CCSER1: variants seen among roughly 807,000 people sequenced by gnomAD.
CCSER1 encodes the protein coiled-coil serine rich protein 1.
CCSER1 carries 41 observed loss-of-function variants against 82.0 expected under a neutral mutation model. The ratio of observed to expected loss-of-function variants is 0.50; its 90% CI spans 0.39 to 0.65. The LOEUF (loss-of-function observed/expected upper bound fraction) is 0.65. Among genes scored for constraint, CCSER1 ranks in the 30% least tolerant of loss-of-function variants. The pLI is 0.00. For synonymous variants in CCSER1, 414 were observed against 383.9 expected, an observed-to-expected ratio of 1.08 and a Z score of -0.92; for missense variants, 1,119 against 1,064.2, an observed-to-expected ratio of 1.05 and a Z score of -0.72.
intron 4 of CCSER1, among the ~76,000 whole-genome samples, chr4:90,426,169 G>A (rs576680057): frequency 3.3e-5 from 5 of 152,246 alleles, no homozygotes; most frequent in Non-Finnish European, 7.4e-5. Flanking sequence ...GATGAATGAC[G>A]AATGCAGCAC....
intron 1 of CCSER1, among the ~76,000 whole-genome samples, chr4:90,228,092 C>T (rs958464003): frequency 9.8e-5 from 15 of 152,322 alleles, no homozygotes; most frequent in African/African-American, 2.2e-4. Flanking sequence ...ACAGAGCAGC[C>T]GGGAAGCTCC....
At chr4:91,437,296 T>A (rs573187797) in intron 10 of CCSER1, among the ~76,000 whole-genome samples, 1 of 152,248 alleles carries the variant, frequency 6.6e-6, no homozygotes, top group Non-Finnish European at 1.5e-5. Context: ...GAAGGCAGTT[T>A]ATTTGACCAT....
At chr4:90,472,382 CTTTT>C (rs1015106241) in intron 5 of CCSER1, among the ~76,000 whole-genome samples, 5 of 151,984 alleles carry the variant, frequency 3.3e-5, no homozygotes, top group Non-Finnish European at 5.9e-5. Context: ...TTACTTTTGA[CTTTT>C]TTTATTAAAT....
intron 9 of CCSER1, among the ~76,000 whole-genome samples, chr4:90,990,042 G>A (rs1406501091): frequency 1.3e-5 from 2 of 151,756 alleles, no homozygotes; most frequent in African/African-American, 2.4e-5. Context: ...AAATGTAAAT[G>A]GACTTTAAGA....
chr4:90,594,784 A>T (rs1032533519), intron 5 of CCSER1, among the ~76,000 whole-genome samples: 3 of 151,992 alleles, frequency 2.0e-5, no homozygotes, highest in Non-Finnish European at 4.4e-5. Flanking sequence ...TTTAGCCCCA[A>T]ACATTGAAAA....
chr4:90,932,881 GGAAAGAAA>G lies in CCSER1; in HGVS notation c.2172+9438_2172+9445del, dbSNP rs1242974882. On this transcript the variant is annotated intron_variant, in intron 9 of 10. Transcript: ENST00000509176. Reference sequence around the variant, plus strand: ...TGTTCCGTCTCAAGAAAGGAAGGAAGGAAAGAAAGAAGGAAGGAGAAAGAAGGAGAAAG... The same window carrying G: ...TGTTCCGTCTCAAGAAAGGAAGGAAGGAAGGAAGGAGAAAGAAGGAGAAAG... Among the ~76,000 whole-genome samples, 132 of 85,568 alleles carry G rather than the reference GGAAAGAAA, an allele frequency of 1.5e-3. 45 individuals carry two copies. Among genetic ancestry groups the G allele is most frequent in the Non-Finnish European group, 2.4e-3 (106 of 43,398 alleles). The allele number at this position is 85,568 out of a possible 152,430, so 56.1% of individuals were successfully genotyped here.
chr4:90,406,725 A>G (rs940459548), intron 4 of CCSER1, among the ~76,000 whole-genome samples: 1 of 152,196 alleles, frequency 6.6e-6, no homozygotes, highest in Non-Finnish European at 1.5e-5. Context: ...ATGCAAATAC[A>G]TGGAAATTAA....
rs375638617 is a variant in CCSER1 at position 91,419,109 on chromosome 4, C to G, written c.2218-179463C>G. Among the ~76,000 whole-genome samples the G allele has an allele frequency of 1.3e-4, 19 of 151,970 alleles. No homozygotes were observed. In the East Asian group the frequency reaches 3.5e-3, roughly 28 times the overall value. ...CAGCATAATGAGTGGTCATATAAAA[C>G]AAGCCCACAGCTAACATACTCAATA... On this transcript the variant is annotated intron_variant, in intron 10 of 10. Transcript: ENST00000509176.
chr4:91,127,497 C>T (rs1460813538), intron 10 of CCSER1, among the ~76,000 whole-genome samples: 2 of 151,972 alleles, frequency 1.3e-5, no homozygotes, highest in Non-Finnish European at 2.9e-5. Flanking sequence ...GTGTTGCAGG[C>T]ACAAATTTGC....
At chr4:90,267,452 G>T (rs1471971649) in intron 1 of CCSER1, among the ~76,000 whole-genome samples, 1 of 152,092 alleles carries the variant, frequency 6.6e-6, no homozygotes, top group Non-Finnish European at 1.5e-5. Flanking sequence ...AATCTGGCTG[G>T]GTTCGCTACC....
At chr4:90,970,218 A>G (rs567582540) in intron 9 of CCSER1, among the ~76,000 whole-genome samples, 5 of 152,074 alleles carry the variant, frequency 3.3e-5, no homozygotes, top group Admixed American at 3.3e-4. Context: ...GACTTGCTTT[A>G]GCTTTAACAA....
chr4:90,515,791 A>G (rs1236342368), intron 5 of CCSER1, among the ~76,000 whole-genome samples: 1 of 152,172 alleles, frequency 6.6e-6, no homozygotes, highest in Non-Finnish European at 1.5e-5. Flanking sequence ...AAATTGTTAT[A>G]TGTCAGAACT....
chr4:90,424,258 A>G lies in CCSER1; in HGVS notation c.1603+24129A>G, dbSNP rs567198314. ...TCTTAGTTCCAAAAATATATTTTAG[A>G]TAAGAAATACAGGAATCTGAAAAAT... On this transcript the variant is annotated intron_variant, in intron 4 of 10. Transcript: ENST00000509176. Among the ~76,000 whole-genome samples the G allele has an allele frequency of 7.9e-5, 12 of 152,256 alleles. No homozygotes were observed. The East Asian group carries it at 2.3e-3, about 29-fold the overall frequency.
At chr4:91,066,972 T>C (rs1720885279) in intron 9 of CCSER1, among the ~76,000 whole-genome samples, 2 of 151,980 alleles carry the variant, frequency 1.3e-5, no homozygotes, top group African/African-American at 4.8e-5. Flanking sequence ...AAAACCATCC[T>C]GGCTAACACG....
chr4:90,845,138 A>G (rs1385687036), intron 8 of CCSER1, among the ~76,000 whole-genome samples: 1 of 152,128 alleles, frequency 6.6e-6, no homozygotes, highest in African/African-American at 2.4e-5. Flanking sequence ...CGAGGCAGGC[A>G]GATCATGAGG....
intron 10 of CCSER1, among the ~76,000 whole-genome samples, chr4:91,276,422 CCTT>C (rs1282596992): frequency 1.3e-5 from 2 of 150,108 alleles, no homozygotes; most frequent in African/African-American, 4.9e-5. Context: ...AATGAGATTA[CCTT>C]CTTCATTTCT....
At chr4:90,855,927 T>C (rs377171415) in intron 8 of CCSER1, among the ~76,000 whole-genome samples, 10 of 152,254 alleles carry the variant, frequency 6.6e-5, no homozygotes, top group East Asian at 3.9e-4. Context: ...CACACATTCA[T>C]TCATTCATTG....
At chr4:91,420,439 G>T (rs999713341) in intron 10 of CCSER1, among the ~76,000 whole-genome samples, 9 of 151,990 alleles carry the variant, frequency 5.9e-5, no homozygotes, top group African/African-American at 9.7e-5. Flanking sequence ...ATATAAAAAG[G>T]TACTCAACAT....
intron 6 of CCSER1, among the ~76,000 whole-genome samples, chr4:90,630,675 G>C (rs1295899499): frequency 1.3e-5 from 2 of 151,928 alleles, no homozygotes; most frequent in African/African-American, 4.8e-5. Flanking sequence ...ATTCATAATA[G>C]AGGCCTCTAA....
Sources: allele counts gnomAD v4.1 joint callset (sites outside exome capture counted in the v4.1 genomes callset), GRCh38; gene constraint gnomAD v4.1.1; transcripts MANE v1.5; gene names NCBI Gene and HGNC (gene_info 2026-07-23, HGNC 2026-07-21).